SAMD14: variants seen among roughly 807,000 people sequenced by gnomAD.
SAMD14 encodes sterile alpha motif domain-containing protein 14.
A neutral mutation model predicts 46.2 loss-of-function variants in SAMD14; 27 were observed. The ratio of observed to expected loss-of-function variants is 0.58; its 90% confidence interval spans 0.43 to 0.81. The LOEUF (loss-of-function observed/expected upper bound fraction) is 0.81. SAMD14 is among the 30% of genes least tolerant of loss of function. The pLI is 0.00. For synonymous variants in SAMD14, 241 were observed against 254.3 expected, an observed-to-expected ratio of 0.95 and a Z score of 0.50; for missense variants, 559 against 582.2, an observed-to-expected ratio of 0.96 and a Z score of 0.41.
chr17:50,125,090 C>T, intron 1 of SAMD14, 119 bp from the exon 2 acceptor site: 1 of 824,378 alleles, frequency 1.2e-6, no homozygotes. Flanking sequence ...CCTCCCCTTA[C>T]CTTAGAACCC....
At chr17:50,119,624 C>G (rs1437865068) in intron 2 of SAMD14, among the ~76,000 whole-genome samples, 2 of 152,136 alleles carry the variant, frequency 1.3e-5, no homozygotes, top group Non-Finnish European at 2.9e-5. Context: ...GTCTCAAGCT[C>G]AACTCATCAA....
At chr17:50,117,882 C>G (rs1331838646) in intron 3 of SAMD14, 187 bp from the exon 4 acceptor site, 1 of 671,268 alleles carries the variant, frequency 1.5e-6, no homozygotes, top group African/African-American at 1.9e-5. Flanking sequence ...TTGAGTCACA[C>G]AGGCTGGGGC....
intron 2 of SAMD14, among the ~76,000 whole-genome samples, chr17:50,123,773 C>A (rs1229921322): frequency 6.6e-6 from 1 of 152,158 alleles, no homozygotes; most frequent in Non-Finnish European, 1.5e-5. Context: ...GACGCAGCTA[C>A]CTCAGCAGTG....
In SAMD14 at chr17:50,115,454, A is replaced by G. The variant is rs1911132013; in HGVS notation, c.822+110T>C. The G allele has an allele frequency of 8.3e-7, 1 of 1,204,742 alleles. No homozygotes were observed. The highest frequency in any genetic ancestry group is 1.2e-6 in the Non-Finnish European group (1 of 867,486). The allele number at this position is 1,204,742 out of a possible 1,614,324, so 74.6% of individuals were successfully genotyped here. A position where few individuals can be genotyped will look rare whatever the true frequency, so the allele number is the denominator to read the frequency against. On this transcript the variant is annotated intron_variant, in intron 7 of 9. Transcript: ENST00000330175. The surrounding 1 kb of genome is among the most constrained non-coding windows in gnomAD (Gnocchi z 5.3). ...GATCACTGCATGGCTCCATGGATGG[A>G]CAAATTGATTCCAGGAATGTCTGAA...
At chr17:50,120,283 C>A (rs940962622) in intron 2 of SAMD14, among the ~76,000 whole-genome samples, 2 of 151,116 alleles carry the variant, frequency 1.3e-5, no homozygotes, top group Non-Finnish European at 2.9e-5. Context: ...CCTATACATG[C>A]GTACATATGG....
In SAMD14 at chr17:50,117,517, G is replaced by A. The variant is rs1456374423; in HGVS notation, c.389C>T (p.Ser130Leu). 5 of 1,490,040 alleles carry A rather than the reference G, an allele frequency of 3.4e-6. No homozygotes were observed. The highest frequency in any genetic ancestry group is 2.8e-5 in the East Asian group (1 of 35,584). 92.3% of individuals were successfully genotyped at this position (1,490,040 alleles called of 1,614,324 possible). A position where few individuals can be genotyped will look rare whatever the true frequency, so the allele number is the denominator to read the frequency against. ...TRYRPLHNAA[S>L]HEGLAAASCS... The stretch of plus-strand genomic sequence containing the variant: ...GGAGGCGGCGGCCAGGCCCTCGTGC[G>A]ACGCAGCGTTGTGCAGGGGCCGGTA... Residue 130 changes from serine (S) to leucine (L), a missense_variant, in exon 4 of 10, where the codon TCG becomes TTG. Ser to Leu is a moderately radical substitution (Grantham distance 145). Transcript: ENST00000330175.
intron 9 of SAMD14, chr17:50,113,290 A>G: frequency 2.0e-6 from 1 of 504,980 alleles, no homozygotes; most frequent in Non-Finnish European, 3.5e-6. Context: ...CTCCTCCCCC[A>G]CCATTCCTCC....
intron 2 of SAMD14, among the ~76,000 whole-genome samples, chr17:50,121,073 C>T (rs925314394): frequency 1.3e-5 from 2 of 152,190 alleles, no homozygotes; most frequent in African/African-American, 4.8e-5. Flanking sequence ...GCTTAGCACA[C>T]CCTTTTAATG....
chr17:50,117,384 G>T lies in SAMD14; in HGVS notation c.499+23C>A, dbSNP rs1911261698. Reference sequence around the variant, plus strand: ...TGCGCCCGGGAGCGACCAGCAGGAGGTGCGGCGCTGGCCGCCTCTCACCTT... The same window carrying T: ...TGCGCCCGGGAGCGACCAGCAGGAGTTGCGGCGCTGGCCGCCTCTCACCTT... On this transcript the variant is annotated intron_variant, in intron 4 of 9. Coordinates refer to ENST00000330175, the MANE Select transcript of SAMD14 (RefSeq NM_001257359.2). 2.3e-6 allele frequency: 3 copies of T among 1,288,386 alleles called. No individual in the cohort carries two copies. In the African/African-American group the frequency reaches 4.6e-5, roughly 20 times the overall value. 79.8% of individuals were successfully genotyped at this position (1,288,386 alleles called of 1,614,324 possible). A position where few individuals can be genotyped will look rare whatever the true frequency, so the allele number is the denominator to read the frequency against.
chr17:50,117,859 G>A, intron 3 of SAMD14, 164 bp from the exon 4 acceptor site: 2 of 753,676 alleles, frequency 2.7e-6, no homozygotes, highest in Non-Finnish European at 3.9e-6. Context: ...GTGAGAGGTG[G>A]GAAACAGGAA....
At chr17:50,116,571 A>G (rs1911220738) in intron 4 of SAMD14, among the ~76,000 whole-genome samples, 1 of 151,392 alleles carries the variant, frequency 6.6e-6, no homozygotes, top group African/African-American at 2.4e-5. Context: ...ACACCCGGCT[A>G]ATTTTTTGTG....
At chr17:50,119,749 T>C (rs150952797) in intron 2 of SAMD14, among the ~76,000 whole-genome samples, 1 of 152,202 alleles carries the variant, frequency 6.6e-6, no homozygotes, top group East Asian at 1.9e-4. Context: ...ACCCTTCTTC[T>C]CTCTCAGCCC....
intron 1 of SAMD14, among the ~76,000 whole-genome samples, chr17:50,126,202 A>T (rs936646088): frequency 1.6e-4 from 25 of 152,284 alleles, no homozygotes; most frequent in Admixed American, 1.0e-3. Flanking sequence ...TACATGTGTC[A>T]GATGTAGGAA....
intron 1 of SAMD14, among the ~76,000 whole-genome samples, chr17:50,127,880 AAGCTGTCCTAGGT>A (rs1911851078): frequency 6.6e-6 from 1 of 152,214 alleles, no homozygotes; most frequent in Non-Finnish European, 1.5e-5. Context: ...CTCCTTCAGG[AAGCTGTCCTAGGT>A]AGCCCTCCCT....
At chr17:50,124,514 C>T (rs1181353189) in intron 2 of SAMD14, among the ~76,000 whole-genome samples, 2 of 152,056 alleles carry the variant, frequency 1.3e-5, no homozygotes, top group Non-Finnish European at 2.9e-5. Flanking sequence ...CCCAGCCCTG[C>T]CACTAACTTG....
At chr17:50,120,176 A>G (rs1017250493) in intron 2 of SAMD14, among the ~76,000 whole-genome samples, 5 of 152,202 alleles carry the variant, frequency 3.3e-5, no homozygotes, top group African/African-American at 1.2e-4. Flanking sequence ...TCTTGAGTGC[A>G]TGATAGACTA....
chr17:50,114,045 C>T lies in SAMD14; in HGVS notation c.977G>A (p.Trp326Ter), dbSNP rs749391070. Reference protein sequence around the residue: ...LDEPLPPVHHWTSQQVGQWLQ... With the variant: ...LDEPLPPVHH ...CCACTGGCCCACCTGCTGGCTGGTC[C>T]AGTGGTGGACAGGGGGGAGGGGTTC... Residue 326 changes from tryptophan to a stop codon, truncating the protein, a stop_gained, in exon 9 of 10, where the codon TGG becomes TAG. Transcript: ENST00000330175. LOFTEE classifies it high-confidence loss of function. 6.2e-7 allele frequency: 1 copy of T among 1,613,662 alleles called. No individual in the cohort carries two copies. The highest frequency in any genetic ancestry group is 2.2e-5 in the East Asian group (1 of 44,876).
chr17:50,124,177 A>C lies in SAMD14; in HGVS notation c.43+740T>G, dbSNP rs1158276621. ...GGAAACCGGCTTTCCGCCCCAGTGC[A>C]TGCTGGGAACTCTGCCCAGCTGGGG... On this transcript the variant is annotated intron_variant, in intron 2 of 9. Coordinates refer to ENST00000330175, the MANE Select transcript of SAMD14 (RefSeq NM_001257359.2). 4 of 456,234 alleles carry C rather than the reference A, an allele frequency of 8.8e-6. No homozygotes were observed. The East Asian group carries it at 2.1e-4, about 24-fold the overall frequency. The allele number at this position is 456,234 out of a possible 1,614,324, so 28.3% of individuals were successfully genotyped here.
intron 1 of SAMD14, among the ~76,000 whole-genome samples, chr17:50,127,629 C>T (rs1490001385): frequency 6.6e-6 from 1 of 151,994 alleles, no homozygotes; most frequent in African/African-American, 2.4e-5. Context: ...ACAAAACCAC[C>T]TCCAGATTCC....
Sources: allele counts gnomAD v4.1 joint callset (sites outside exome capture counted in the v4.1 genomes callset), GRCh38; gene constraint gnomAD v4.1.1; non-coding constraint Gnocchi (gnomAD v3.1); transcripts MANE v1.5; gene names NCBI Gene and HGNC (gene_info 2026-07-23, HGNC 2026-07-21).